The following PCLO variants were observed in gnomAD, a reference collection of about 807,000 sequenced individuals.
The protein encoded by PCLO is piccolo presynaptic cytomatrix protein, also known as protein piccolo.
PCLO carries 82 observed loss-of-function variants against 427.5 expected under a neutral mutation model. The ratio of observed to expected loss-of-function variants is 0.19; its 90% CI spans 0.16 to 0.23. PCLO has a LOEUF of 0.23. PCLO is among the 10% of genes least tolerant of loss of function. PCLO has a pLI of 1.00. For synonymous variants in PCLO, 2,357 were observed against 2,155.4 expected (o/e 1.09, Z -2.59); for missense variants, 6,239 against 6,115.9 (o/e 1.02, Z -0.67).
intron 3 of PCLO, among the ~76,000 whole-genome samples, chr7:83,003,968 T>C (rs1787886073): frequency 6.6e-6 from 1 of 151,796 alleles, no homozygotes; most frequent in Non-Finnish European, 1.5e-5. Context: ...TGAAGTTATC[T>C]GGTATTGGGC....
At chr7:83,060,883 C>T (rs1020909589) in intron 3 of PCLO, among the ~76,000 whole-genome samples, 5 of 152,146 alleles carry the variant, frequency 3.3e-5, no homozygotes, top group Admixed American at 6.5e-5. Context: ...GTTTGCTTTC[C>T]ATCACTGCTA....
chr7:83,100,655 A>G (rs1252617005), intron 3 of PCLO, among the ~76,000 whole-genome samples: 1 of 152,108 alleles, frequency 6.6e-6, no homozygotes. Flanking sequence ...ACCTTTTTGG[A>G]GGATGGAGGG....
chr7:83,058,784 C>T (rs986593418), intron 3 of PCLO, among the ~76,000 whole-genome samples: 1 of 152,070 alleles, frequency 6.6e-6, no homozygotes. Flanking sequence ...ACAGCTCACC[C>T]TCTTAACAAC....
chr7:82,990,650 A>C (rs1796356014), intron 3 of PCLO, among the ~76,000 whole-genome samples: 1 of 152,160 alleles, frequency 6.6e-6, no homozygotes, highest in Non-Finnish European at 1.5e-5. Context: ...GTCCTCTACC[A>C]TGTATTTAAC....
At chr7:82,979,431 T>A (rs370941361) in intron 3 of PCLO, among the ~76,000 whole-genome samples, 1 of 152,302 alleles carries the variant, frequency 6.6e-6, no homozygotes. Context: ...TATACAAACA[T>A]ACATCAAAAT....
intron 3 of PCLO, among the ~76,000 whole-genome samples, chr7:83,100,417 A>C (rs1790707994): frequency 6.6e-6 from 1 of 152,304 alleles, no homozygotes; most frequent in Admixed American, 6.5e-5. Context: ...AATGCCCATC[A>C]GTGATAAACT....
At chr7:83,157,281 T>TA (rs1272314728) in intron 1 of PCLO, among the ~76,000 whole-genome samples, 4 of 152,176 alleles carry the variant, frequency 2.6e-5, no homozygotes, top group Admixed American at 2.0e-4. Flanking sequence ...AGATCAGTGT[T>TA]ATCTTTTTTA....
At chr7:83,028,137 T>G (rs1173817895) in intron 3 of PCLO, among the ~76,000 whole-genome samples, 4 of 152,060 alleles carry the variant, frequency 2.6e-5, no homozygotes, top group East Asian at 3.9e-4. Flanking sequence ...AAATAAAGGG[T>G]ATTCAATTAA....
At chr7:82,994,447 A>G (rs2115863480) in intron 3 of PCLO, among the ~76,000 whole-genome samples, 1 of 152,154 alleles carries the variant, frequency 6.6e-6, no homozygotes, top group Admixed American at 6.6e-5. Context: ...AGGTGGCTAA[A>G]CTGTGAGGCT....
At chr7:82,856,822 T>G (rs1792819247) in intron 10 of PCLO, among the ~76,000 whole-genome samples, 1 of 152,164 alleles carries the variant, frequency 6.6e-6, no homozygotes, top group Admixed American at 6.6e-5. Flanking sequence ...CATGTTGCAA[T>G]TTAATTGCCA....
intron 3 of PCLO, among the ~76,000 whole-genome samples, chr7:83,128,070 C>T (rs1791482616): frequency 6.6e-6 from 1 of 151,828 alleles, no homozygotes; most frequent in African/African-American, 2.4e-5. Flanking sequence ...GAACAAAAGC[C>T]TTACCCAATA....
At chr7:83,046,874 G>A (rs1230327425) in intron 3 of PCLO, among the ~76,000 whole-genome samples, 1 of 151,960 alleles carries the variant, frequency 6.6e-6, no homozygotes, top group East Asian at 1.9e-4. Flanking sequence ...TAAAAGCAAA[G>A]CTGGGTTTTG....
intron 7 of PCLO, among the ~76,000 whole-genome samples, chr7:82,912,334 C>T (rs571587120): frequency 8.6e-5 from 13 of 151,564 alleles, no homozygotes; most frequent in African/African-American, 2.2e-4. Flanking sequence ...AGATTTCAAA[C>T]GAAAAGTACA....
intron 2 of PCLO, among the ~76,000 whole-genome samples, chr7:83,146,484 T>C (rs575784837): frequency 6.6e-6 from 1 of 152,302 alleles, no homozygotes; most frequent in East Asian, 1.9e-4. Context: ...AGTTTAGTTA[T>C]AAATTAAAGA....
intron 16 of PCLO, 76 bp from the exon 17 acceptor site, chr7:82,828,042 T>A: frequency 1.3e-6 from 1 of 756,348 alleles, no homozygotes; most frequent in South Asian, 1.5e-5. Flanking sequence ...CTAAAGGACA[T>A]GCAGACTATT....
intron 2 of PCLO, among the ~76,000 whole-genome samples, chr7:83,149,781 C>A (rs961804103): frequency 1.3e-5 from 2 of 152,204 alleles, no homozygotes; most frequent in Non-Finnish European, 2.9e-5. Context: ...ACGGAAAGGT[C>A]ATGGGCAGTT....
Position 82,999,521 on chromosome 7 carries a change from TATA to T in PCLO, c.3301-33037_3301-33035del, listed in dbSNP as rs1161831706. On this transcript the variant is annotated intron_variant, in intron 3 of 24. Transcript: ENST00000333891. ...TATAATATTATATTAAAATATAAAA[TATA>T]ATATTATATTAAAATATAAAATATA... 2.2e-3 allele frequency among the ~76,000 whole-genome samples: 141 copies of T among 63,760 alleles called. 59 individuals are homozygous for T. Among genetic ancestry groups the T allele is most frequent in the African/African-American group, 9.5e-3 (138 of 14,504 alleles). 41.8% of individuals were successfully genotyped at this position (63,760 alleles called of 152,430 possible). A position where few individuals can be genotyped will look rare whatever the true frequency, so the allele number is the denominator to read the frequency against.
intron 3 of PCLO, among the ~76,000 whole-genome samples, chr7:83,099,552 C>A (rs886253598): frequency 2.0e-5 from 3 of 151,706 alleles, no homozygotes; most frequent in Non-Finnish European, 2.9e-5. Context: ...CCATGCCCAG[C>A]TCATTTTTTT....
At chr7:82,945,014 T>C (rs375507394) in intron 6 of PCLO, among the ~76,000 whole-genome samples, 10 of 152,226 alleles carry the variant, frequency 6.6e-5, no homozygotes, top group Middle Eastern at 3.2e-3. Flanking sequence ...CTTCTTCCTG[T>C]GCTTTTGCTA....
Sources: allele counts gnomAD v4.1 joint callset (sites outside exome capture counted in the v4.1 genomes callset), GRCh38; gene constraint gnomAD v4.1.1; transcripts MANE v1.5; gene names NCBI Gene and HGNC (gene_info 2026-07-23, HGNC 2026-07-21).